Variants in CSMD3 observed in about 807,000 individuals in gnomAD.
CSMD3 encodes the protein CUB and Sushi multiple domains 3.
Under a neutral mutation model 435.2 loss-of-function variants are expected in CSMD3, and 177 were observed. That is an observed-to-expected ratio of 0.41 (90% CI 0.36 to 0.46). CSMD3 has a LOEUF of 0.46. Ranked by LOEUF, CSMD3 falls within the 20% of genes least tolerant of loss-of-function variation. The pLI is 0.34. For missense variants in CSMD3, 4,265 were observed against 4,504.6 expected (o/e 0.95, Z 1.52); for synonymous variants, 1,656 against 1,520.5 (o/e 1.09, Z -2.07).
chr8:113,082,902 C>CA (rs1459822249), intron 5 of CSMD3, among the ~76,000 whole-genome samples: 6 of 151,444 alleles, frequency 4.0e-5, no homozygotes, highest in African/African-American at 1.2e-4. Flanking sequence ...CACACTCAGA[C>CA]AAAAAAAATT....
At chr8:112,583,056 A>G (rs1830449892) in intron 23 of CSMD3, among the ~76,000 whole-genome samples, 1 of 152,070 alleles carries the variant, frequency 6.6e-6, no homozygotes, top group African/African-American at 2.4e-5. Context: ...TAGGGTGATC[A>G]GTTAGAAACA....
At chr8:112,504,058 T>G (rs1822262472) in intron 29 of CSMD3, 81 bp from the exon 30 acceptor site, 2 of 859,816 alleles carry the variant, frequency 2.3e-6, no homozygotes, top group African/African-American at 1.7e-5. Flanking sequence ...AATAGTTATA[T>G]AATCAAACAT....
intron 17 of CSMD3, among the ~76,000 whole-genome samples, chr8:112,659,444 T>C (rs1032308847): frequency 1.3e-5 from 2 of 152,186 alleles, no homozygotes; most frequent in Non-Finnish European, 1.5e-5. Context: ...TATTCAATTT[T>C]TGTTGTCTTT....
chr8:113,330,453 T>C (rs573105562), intron 1 of CSMD3, among the ~76,000 whole-genome samples: 1 of 152,106 alleles, frequency 6.6e-6, no homozygotes, highest in Admixed American at 6.5e-5. Flanking sequence ...GAATAAGTTC[T>C]GCCTTGTCAG....
chr8:113,361,406 T>A (rs1362085958), intron 1 of CSMD3, among the ~76,000 whole-genome samples: 2 of 152,170 alleles, frequency 1.3e-5, no homozygotes, highest in African/African-American at 4.8e-5. Flanking sequence ...GACATTATAA[T>A]ATATAAATTT....
At position 113,356,237 on chromosome 8, in the gene CSMD3, G is replaced by T. The variant is rs567725512; in HGVS notation, c.179-41444C>A. Among the ~76,000 whole-genome samples the T allele has an allele frequency of 2.6e-5, 4 of 152,108 alleles. No individual in the cohort carries two copies. The South Asian group carries it at 6.2e-4, about 24-fold the overall frequency. ...GGAAACACACATGTTCTGCTCATTA[G>T]TTTACCCCCAGTTTTAGTGCATATT... On this transcript the variant is annotated intron_variant, in intron 1 of 70. Transcript: ENST00000297405.
rs183834661 is a variant in CSMD3 at position 113,142,113 on chromosome 8, G to A, written c.709+31609C>T. Among the ~76,000 whole-genome samples, 783 of 151,146 alleles carry A rather than the reference G, an allele frequency of 5.2e-3. 11 individuals carry two copies. The highest frequency in any genetic ancestry group is 0.018 in the African/African-American group (757 of 41,430). On this transcript the variant is annotated intron_variant, in intron 4 of 70. Transcript: ENST00000297405. ...CCAAAATTATAAAATGCTAATGGAA[G>A]AAATCATAAATAACTAAGTAAATGG...
chr8:112,279,208 T>C (rs570330169), intron 59 of CSMD3, among the ~76,000 whole-genome samples: 1 of 152,348 alleles, frequency 6.6e-6, no homozygotes, highest in East Asian at 1.9e-4. Flanking sequence ...GGGTTTTAAA[T>C]GAACAGATTC....
chr8:112,288,735 C>G (rs957333336), intron 57 of CSMD3, among the ~76,000 whole-genome samples: 1 of 151,840 alleles, frequency 6.6e-6, no homozygotes, highest in Non-Finnish European at 1.5e-5. Context: ...AAACGTTTAT[C>G]TCAGAAAAGA....
intron 10 of CSMD3, among the ~76,000 whole-genome samples, chr8:112,886,283 G>A (rs2081595141): frequency 6.6e-6 from 1 of 151,444 alleles, no homozygotes. Context: ...TTCATTTAAT[G>A]ACATATCAAA....
intron 2 of CSMD3, among the ~76,000 whole-genome samples, chr8:113,296,242 CAT>C (rs1374078145): frequency 1.3e-5 from 2 of 151,344 alleles, no homozygotes; most frequent in African/African-American, 4.9e-5. Context: ...CACATGTATA[CAT>C]ATGTAACAAA....
At chr8:113,046,756 G>A (rs1207234795) in intron 5 of CSMD3, among the ~76,000 whole-genome samples, 1 of 152,188 alleles carries the variant, frequency 6.6e-6, no homozygotes, top group African/African-American at 2.4e-5. Context: ...TTGGAGGGGC[G>A]AGGGTCTGAG....
chr8:113,214,952 A>G (rs1285652449), intron 3 of CSMD3, among the ~76,000 whole-genome samples: 1 of 151,864 alleles, frequency 6.6e-6, no homozygotes, highest in Non-Finnish European at 1.5e-5. Context: ...TATCAACATG[A>G]TATGAAACTA....
chr8:112,449,365 T>C (rs977598503), intron 32 of CSMD3, among the ~76,000 whole-genome samples: 1 of 152,152 alleles, frequency 6.6e-6, no homozygotes, highest in Non-Finnish European at 1.5e-5. Context: ...AGATCTAGCA[T>C]CAACACCATT....
rs916675916 is a variant in CSMD3, at chr8:112,786,570, A to C, written c.1972+13592T>G. 2.8e-4 allele frequency among the ~76,000 whole-genome samples: 43 copies of C among 152,054 alleles called. 1 individual carries two copies. The highest frequency in any genetic ancestry group is 7.8e-4 in the East Asian group (4 of 5,140). On this transcript the variant is annotated intron_variant, in intron 13 of 70. Transcript: ENST00000297405. ...TATACAACTCAATAGGAAAAAAAAA[A>C]CCAATAATCTGAATAAAAAATGGGC...
intron 5 of CSMD3, among the ~76,000 whole-genome samples, chr8:113,024,535 A>G: frequency 6.6e-6 from 1 of 152,242 alleles, no homozygotes; most frequent in Admixed American, 6.5e-5. Context: ...CATACATACT[A>G]TTTTTAATAA....
chr8:112,502,480 T>G (rs1219377516), intron 30 of CSMD3, among the ~76,000 whole-genome samples: 1 of 152,236 alleles, frequency 6.6e-6, no homozygotes, highest in African/African-American at 2.4e-5. Flanking sequence ...TTCCAAGTGA[T>G]GACAGAGATA....
rs1184500096 is a variant in CSMD3, at chr8:113,338,421, C to T, written c.179-23628G>A. 2.0e-5 allele frequency among the ~76,000 whole-genome samples: 3 copies of T among 151,942 alleles called. No individual in the cohort carries two copies. In the East Asian group the frequency reaches 5.8e-4, roughly 29 times the overall value. On this transcript the variant is annotated intron_variant, in intron 1 of 70. Transcript: ENST00000297405. ...GAGAAATAAAACAGATATCCATACT[C>T]TACTTGCATACGAATGTTCATAGTA...
At chr8:112,334,306 C>A (rs1824363988) in intron 45 of CSMD3, among the ~76,000 whole-genome samples, 1 of 152,074 alleles carries the variant, frequency 6.6e-6, no homozygotes, top group Non-Finnish European at 1.5e-5. Context: ...CTGACTAGAT[C>A]CCATGTGCTT....
Sources: gnomAD v4.1 joint callset for allele counts (sites outside exome capture counted in the v4.1 genomes callset) on GRCh38, gnomAD v4.1.1 for gene constraint, MANE v1.5 for transcripts, NCBI Gene and HGNC (gene_info 2026-07-23, HGNC 2026-07-21) for gene names.